Variants in ANO4 observed in about 807,000 individuals in gnomAD.
ANO4 encodes anoctamin 4, also known as anoctamin-4.
ANO4 carries 69 observed loss-of-function variants against 141.9 expected under a neutral mutation model. The ratio of observed to expected loss-of-function variants is 0.49; its 90% CI spans 0.40 to 0.59. ANO4 has a LOEUF of 0.59. Ranked by LOEUF, ANO4 falls within the 20% of genes least tolerant of loss-of-function variation. ANO4 has a pLI of 0.00. For missense variants in ANO4, 894 were observed against 1,162.2 expected, an observed-to-expected ratio of 0.77 and a Z score of 3.36; for synonymous variants, 350 against 394.3, an observed-to-expected ratio of 0.89 and a Z score of 1.33.
chr12:101,107,086 T>G (rs1433320699), intron 22 of ANO4, among the ~76,000 whole-genome samples: 1 of 152,208 alleles, frequency 6.6e-6, no homozygotes, highest in Non-Finnish European at 1.5e-5. Context: ...AAACTTGCAG[T>G]TATTTTCATT....
chr12:101,083,886 A>G (rs1047181718), intron 16 of ANO4, 68 bp downstream of exon 16: 2 of 1,365,230 alleles, frequency 1.5e-6, no homozygotes, highest in Non-Finnish European at 2.0e-6. Flanking sequence ...CAGTAATCAT[A>G]TTGGGCATTT....
intron 14 of ANO4, among the ~76,000 whole-genome samples, chr12:101,076,980 G>A (rs956812377): frequency 1.3e-4 from 20 of 152,284 alleles, no homozygotes; most frequent in Middle Eastern, 3.4e-3. Flanking sequence ...TGCAAGGGTG[G>A]CCCTTGGCTG....
rs756917818 is a variant in ANO4, at chr12:101,047,250, AAAACAAAC to A, written c.1252-1076_1252-1069del. On this transcript the variant is annotated intron_variant, in intron 13 of 27. Transcript: ENST00000392977. ...GGTGACAGAGTCAGAATCCATCTCA[AAAACAAAC>A]AAACAAACAAACAACAACAAACTCT... Among the ~76,000 whole-genome samples, 45 of 152,230 alleles carry A rather than the reference AAAACAAAC, an allele frequency of 3.0e-4. 1 individual carries two copies. The highest frequency in any genetic ancestry group is 5.4e-4 in the Non-Finnish European group (37 of 68,010).
chr12:100,957,292 A>G lies in ANO4; in HGVS notation c.457-14014A>G, dbSNP rs114556718. ...AACCTGGGAGGTGTCCTGGCTTCAT[A>G]ACAACCTACTTTTGTGGGACTAATC... On this transcript the variant is annotated intron_variant, in intron 5 of 27. Transcript: ENST00000392977. Among the ~76,000 whole-genome samples, 1,170 of 152,300 alleles carry G rather than the reference A, an allele frequency of 7.7e-3. 15 individuals are homozygous for G. Among genetic ancestry groups the G allele is most frequent in the African/African-American group, 0.027 (1,108 of 41,548 alleles).
chr12:100,745,315 C>A (rs2032053791), intron 3 of ANO4, among the ~76,000 whole-genome samples: 1 of 152,146 alleles, frequency 6.6e-6, no homozygotes, highest in Admixed American at 6.6e-5. Context: ...AATTCTTTCC[C>A]TTTTTGCCTC....
At chr12:101,044,665 C>T (rs765150617) in intron 13 of ANO4, among the ~76,000 whole-genome samples, 3 of 152,146 alleles carry the variant, frequency 2.0e-5, no homozygotes, top group Non-Finnish European at 4.4e-5. Flanking sequence ...CCCAGGATCC[C>T]GCCTATCTAT....
intron 11 of ANO4, among the ~76,000 whole-genome samples, chr12:101,040,873 G>T (rs1007425341): frequency 6.6e-6 from 1 of 150,770 alleles, no homozygotes; most frequent in Admixed American, 6.6e-5. Context: ...CTGATCTTAT[G>T]ATAGTTTGCC....
At chr12:101,123,502 G>A (rs922581638) in intron 26 of ANO4, among the ~76,000 whole-genome samples, 1 of 135,182 alleles carries the variant, frequency 7.4e-6, no homozygotes, top group African/African-American at 2.8e-5. Context: ...CCCTTTGTGT[G>A]TTGTTTCCCA....
chr12:100,877,986 G>A (rs886910296), intron 1 of ANO4, among the ~76,000 whole-genome samples: 2 of 152,078 alleles, frequency 1.3e-5, no homozygotes, highest in Non-Finnish European at 2.9e-5. Flanking sequence ...TCCCCTAGTG[G>A]CGAGCAGGTG....
chr12:101,103,917 T>C (rs1053478461), intron 22 of ANO4, among the ~76,000 whole-genome samples: 9 of 152,000 alleles, frequency 5.9e-5, no homozygotes, highest in African/African-American at 2.2e-4. Flanking sequence ...TATAGGACTA[T>C]TTCATTTTTT....
chr12:100,863,974 C>T (rs546139172), intron 1 of ANO4, among the ~76,000 whole-genome samples: 6 of 152,248 alleles, frequency 3.9e-5, no homozygotes, highest in South Asian at 4.2e-4. Flanking sequence ...CCAGGGAGCT[C>T]GAACAGTGTC....
intron 3 of ANO4, among the ~76,000 whole-genome samples, chr12:100,765,550 TTTAA>T (rs1482377226): frequency 1.3e-5 from 2 of 151,768 alleles, no homozygotes; most frequent in Non-Finnish European, 2.9e-5. Flanking sequence ...GGCTAATATT[TTTAA>T]TTTTGTTTTT....
chr12:100,800,128 A>G (rs573073466), intron 1 of ANO4, among the ~76,000 whole-genome samples: 3 of 152,342 alleles, frequency 2.0e-5, no homozygotes, highest in African/African-American at 4.8e-5. Context: ...TGCTTTTCCT[A>G]TAAACATTTA....
At chr12:101,111,079 C>T (rs2050646197) in intron 23 of ANO4, among the ~76,000 whole-genome samples, 2 of 152,218 alleles carry the variant, frequency 1.3e-5, no homozygotes, top group South Asian at 4.1e-4. Context: ...CAGGCAGTCA[C>T]CCAGCCAATA....
chr12:100,765,474 G>C (rs749889943), intron 3 of ANO4, among the ~76,000 whole-genome samples: 3 of 149,618 alleles, frequency 2.0e-5, no homozygotes, highest in Non-Finnish European at 4.4e-5. Context: ...AGCCTTCCAG[G>C]CTTAAACAAT....
At chr12:101,067,755 G>A (rs1357729777) in intron 14 of ANO4, among the ~76,000 whole-genome samples, 1 of 152,192 alleles carries the variant, frequency 6.6e-6, no homozygotes. Context: ...AGGAACAGAG[G>A]CTTAGCTGAT....
intron 1 of ANO4, among the ~76,000 whole-genome samples, chr12:100,833,586 T>G (rs1052738598): frequency 1.3e-5 from 2 of 152,104 alleles, no homozygotes; most frequent in African/African-American, 4.8e-5. Flanking sequence ...CTTCTATTAG[T>G]CATTTGATCT....
chr12:101,043,409 T>C (rs1442694687), intron 12 of ANO4, 130 bp from the exon 13 acceptor site: 1 of 621,286 alleles, frequency 1.6e-6, no homozygotes, highest in Non-Finnish European at 2.8e-6. Flanking sequence ...TAATAACAGA[T>C]AAAGCTAAGA....
At chr12:100,882,642 T>C (rs1478225477) in intron 1 of ANO4, among the ~76,000 whole-genome samples, 1 of 152,100 alleles carries the variant, frequency 6.6e-6, no homozygotes, top group Non-Finnish European at 1.5e-5. Flanking sequence ...ACCCACTAGA[T>C]GATGTGAGCC....
Sources: gnomAD v4.1 joint callset for allele counts (sites outside exome capture counted in the v4.1 genomes callset) on GRCh38, gnomAD v4.1.1 for gene constraint, MANE v1.5 for transcripts, NCBI Gene and HGNC (gene_info 2026-07-23, HGNC 2026-07-21) for gene names.